WWP2: variants seen among roughly 807,000 people sequenced by gnomAD.
WWP2 encodes WW domain containing E3 ubiquitin protein ligase 2, also known as NEDD4-like E3 ubiquitin-protein ligase WWP2.
A neutral mutation model predicts 121.0 loss-of-function variants in WWP2; 57 were observed. The observed-to-expected ratio is 0.47, with a 90% CI of 0.38 to 0.59. The LOEUF is 0.59. Among genes scored for constraint, WWP2 ranks in the 20% least tolerant of loss-of-function variants. WWP2 has a pLI of 0.00. For synonymous variants in WWP2, 449 were observed against 441.3 expected (o/e 1.02, Z -0.22); for missense variants, 962 against 1,158.9 (o/e 0.83, Z 2.47).
intron 1 of WWP2, among the ~76,000 whole-genome samples, chr16:69,781,401 G>C (rs541583570): frequency 7.2e-5 from 11 of 152,152 alleles, no homozygotes; most frequent in African/African-American, 2.2e-4. Flanking sequence ...GCTGGAGTGC[G>C]GTGGCACAAT....
At chr16:69,818,206 T>C (rs1225042089) in intron 4 of WWP2, among the ~76,000 whole-genome samples, 1 of 151,748 alleles carries the variant, frequency 6.6e-6, no homozygotes, top group African/African-American at 2.4e-5. Flanking sequence ...ATTTATTTAA[T>C]TTATTTATTT....
intron 6 of WWP2, among the ~76,000 whole-genome samples, chr16:69,870,010 G>A (rs1247970943): frequency 6.6e-6 from 1 of 152,202 alleles, no homozygotes; most frequent in African/African-American, 2.4e-5. Context: ...TTTAGCTTGA[G>A]TTCAGGCTTC....
intron 6 of WWP2, among the ~76,000 whole-genome samples, chr16:69,843,128 A>G (rs1459663815): frequency 6.6e-6 from 1 of 152,082 alleles, no homozygotes; most frequent in African/African-American, 2.4e-5. Flanking sequence ...GGCTGCAGCC[A>G]CAGTTATTCT....
At chr16:69,936,176 C>T (rs749121607) in intron 18 of WWP2, 136 bp from the exon 19 acceptor site, 7 of 1,454,520 alleles carry the variant, frequency 4.8e-6, no homozygotes, top group Non-Finnish European at 6.5e-6. Flanking sequence ...CTCCTTGAGT[C>T]AAGGAGCTGT....
chr16:69,868,267 C>T (rs1040660231), intron 6 of WWP2, among the ~76,000 whole-genome samples: 4 of 152,114 alleles, frequency 2.6e-5, no homozygotes, highest in South Asian at 2.1e-4. Flanking sequence ...GGGCTGATCC[C>T]GCCCTGCCCA....
At position 69,840,261 on chromosome 16, in the gene WWP2, A is replaced by C. The variant is rs757130733; in HGVS notation, c.476A>C (p.Asp159Ala). ...GTGCCTAATGGCAGTGCCCTGACAG[A>C]TGGTGAGTGCCGCCCTGCTCCTCAG... Reference protein sequence around the residue: ...GNVPNGSALTDGSQLPSRDSS... With the variant: ...GNVPNGSALTAGSQLPSRDSS... Residue 159 changes from aspartate to alanine, a missense_variant and splice_region_variant, in exon 5 of 24, where the codon GAT (aspartate) becomes GCT (alanine). Asp to Ala is a moderately radical substitution (Grantham distance 126, BLOSUM62 -2). This residue lies in a region of WWP2 where 211 missense variants were observed against 196.5 expected (regional missense o/e 1.07). Coordinates refer to ENST00000359154, the MANE Select transcript of WWP2 (RefSeq NM_001270454.2). The C allele has an allele frequency of 5.3e-5, 82 of 1,557,402 alleles. No homozygotes were observed. The highest frequency in any genetic ancestry group is 6.8e-5 in the Non-Finnish European group (78 of 1,144,812).
chr16:69,791,055 T>C (rs2055898981), intron 2 of WWP2, among the ~76,000 whole-genome samples: 1 of 152,148 alleles, frequency 6.6e-6, no homozygotes, highest in Non-Finnish European at 1.5e-5. Flanking sequence ...GGAGATGAGT[T>C]AGAGTGAACT....
In WWP2 at chr16:69,937,942, C is replaced by A. The variant is rs918707318; in HGVS notation, c.2343+290C>A. The stretch of plus-strand genomic sequence containing the variant: ...TGCCACTGGTTGAGAGGTCCCCTGC[C>A]AGCCAGATGGGACAGGAAGGCAGGG... On this transcript the variant is annotated intron_variant, in intron 21 of 23. Transcript: ENST00000359154. This position sits in a 1 kb window ranked among gnomAD's most constrained non-coding sequence, Gnocchi z 6.6. Among the ~76,000 whole-genome samples, 1 of 152,176 alleles carries A rather than the reference C, an allele frequency of 6.6e-6. No homozygotes were observed. The highest frequency in any genetic ancestry group is 1.5e-5 in the Non-Finnish European group (1 of 68,024).
At chr16:69,891,767 T>C (rs1321462550) in intron 8 of WWP2, among the ~76,000 whole-genome samples, 1 of 152,182 alleles carries the variant, frequency 6.6e-6, no homozygotes, top group African/African-American at 2.4e-5. Flanking sequence ...TCCATGTAGC[T>C]ATCTCAACCC....
At chr16:69,802,300 G>T (rs10852459) in intron 4 of WWP2, among the ~76,000 whole-genome samples, 137,839 of 152,178 alleles carry the variant, frequency 0.91, 62,659 homozygotes, top group Admixed American at 0.95. Context: ...AGGTGTATAG[G>T]TTAGTGGTGT....
intron 21 of WWP2, 104 bp from the exon 22 acceptor site, chr16:69,938,923 C>T: frequency 9.8e-7 from 1 of 1,018,548 alleles, no homozygotes; most frequent in Non-Finnish European, 1.5e-6. Flanking sequence ...GCTTTGTGTT[C>T]TCAGCCCCAA....
chr16:69,849,397 C>T (rs971586896), intron 6 of WWP2, among the ~76,000 whole-genome samples: 1 of 152,202 alleles, frequency 6.6e-6, no homozygotes, highest in African/African-American at 2.4e-5. Context: ...TCCTCCCATG[C>T]AGTAGCTTAT....
At chr16:69,883,991 T>C (rs1359126459) in intron 7 of WWP2, among the ~76,000 whole-genome samples, 1 of 152,228 alleles carries the variant, frequency 6.6e-6, no homozygotes, top group Non-Finnish European at 1.5e-5. Flanking sequence ...TTACTAAAAC[T>C]TTAAAAAAAT....
Position 69,935,002 on chromosome 16 carries a change from C to A in WWP2, c.1843-851C>A, listed in dbSNP as rs936848222. On this transcript the variant is annotated intron_variant, in intron 17 of 23. Coordinates refer to ENST00000359154, the MANE Select transcript of WWP2 (RefSeq NM_001270454.2). The surrounding 1 kb of genome is among the most constrained non-coding windows in gnomAD (Gnocchi z 5.2). ...GTTCTGGGGAGGGGCGTCCCAGCGT[C>A]TGTATTTAACTGGAAAGAGGGACAC... Among the ~76,000 whole-genome samples, 1 of 152,030 alleles carries A rather than the reference C, an allele frequency of 6.6e-6. No individual in the cohort carries two copies. Among genetic ancestry groups the A allele is most frequent in the Non-Finnish European group, 1.5e-5 (1 of 68,016 alleles).
chr16:69,819,761 C>A (rs2151842568), intron 4 of WWP2, among the ~76,000 whole-genome samples: 1 of 152,178 alleles, frequency 6.6e-6, no homozygotes, highest in South Asian at 2.1e-4. Flanking sequence ...TTTTAAAAAT[C>A]ATTAATTCAG....
chr16:69,870,298 CT>C (rs5817675), intron 6 of WWP2, among the ~76,000 whole-genome samples: 50,226 of 122,358 alleles, frequency 0.41, 8,229 homozygotes, highest in South Asian at 0.51. Flanking sequence ...TTTATTTATC[CT>C]TTTTTTTTTT....
At chr16:69,775,607 T>C (rs1051775360) in intron 1 of WWP2, among the ~76,000 whole-genome samples, 1 of 152,258 alleles carries the variant, frequency 6.6e-6, no homozygotes. Flanking sequence ...ATAGTTATTT[T>C]GCATTACCTG....
At chr16:69,924,045 T>G (rs755182291) in intron 10 of WWP2, among the ~76,000 whole-genome samples, 11 of 152,178 alleles carry the variant, frequency 7.2e-5, no homozygotes, top group Non-Finnish European at 1.2e-4. Context: ...CAAGGTGAGC[T>G]TCCCCCACCT....
At chr16:69,888,745 C>A (rs1024511507) in intron 8 of WWP2, among the ~76,000 whole-genome samples, 2 of 151,882 alleles carry the variant, frequency 1.3e-5, no homozygotes, top group Non-Finnish European at 2.9e-5. Context: ...TAATCTGTCA[C>A]CCAGGCTGGA....
Sources: gnomAD v4.1 joint callset for allele counts (sites outside exome capture counted in the v4.1 genomes callset) on GRCh38, gnomAD v4.1.1 for gene constraint, gnomAD v4.1.1 regional missense constraint, Gnocchi (gnomAD v3.1) non-coding constraint, MANE v1.5 for transcripts, NCBI Gene and HGNC (gene_info 2026-07-23, HGNC 2026-07-21) for gene names.